Variants in RIMS1 observed in about 807,000 individuals in gnomAD.
RIMS1 encodes the protein regulating synaptic membrane exocytosis 1.
In RIMS1, 83 loss-of-function variants were observed where a neutral mutation model predicts 214.1. The ratio of observed to expected loss-of-function variants is 0.39; its 90% CI spans 0.32 to 0.47. The LOEUF is 0.47. RIMS1 is among the 20% of genes least tolerant of loss of function. RIMS1 has a pLI of 0.99. For synonymous variants in RIMS1, 793 were observed against 786.8 expected (o/e 1.01, Z -0.13); for missense variants, 2,050 against 2,161.8 (o/e 0.95, Z 1.03).
At chr6:72,275,164 A>ATGC (rs2085674994) in intron 23 of RIMS1, among the ~76,000 whole-genome samples, 1 of 24,286 alleles carries the variant, frequency 4.1e-5, no homozygotes, top group African/African-American at 1.2e-4. Flanking sequence ...ATATATATAT[A>ATGC]TATATATATA....
intron 29 of RIMS1, among the ~76,000 whole-genome samples, chr6:72,355,792 C>T (rs2097610917): frequency 6.6e-6 from 1 of 152,054 alleles, no homozygotes; most frequent in African/African-American, 2.4e-5. Flanking sequence ...TAATTCGATA[C>T]CTGTCATTTA....
chr6:72,101,969 G>C (rs2033696286), intron 4 of RIMS1, among the ~76,000 whole-genome samples: 1 of 151,900 alleles, frequency 6.6e-6, no homozygotes, highest in South Asian at 2.1e-4. Context: ...GTTGTCAAGT[G>C]CACACTCTCA....
At chr6:72,144,642 G>A (rs1024846748) in intron 4 of RIMS1, among the ~76,000 whole-genome samples, 1 of 151,806 alleles carries the variant, frequency 6.6e-6, no homozygotes, top group Non-Finnish European at 1.5e-5. Context: ...GAAGCCTTCA[G>A]GTTAAAGACA....
intron 22 of RIMS1, among the ~76,000 whole-genome samples, chr6:72,269,947 C>A (rs774926736): frequency 7.2e-5 from 11 of 152,128 alleles, no homozygotes; most frequent in Non-Finnish European, 1.3e-4. Context: ...TCAGTCCCGC[C>A]ACCAACACAC....
chr6:72,249,785 A>T (rs1361632631), intron 12 of RIMS1, among the ~76,000 whole-genome samples: 2 of 152,124 alleles, frequency 1.3e-5, no homozygotes, highest in Non-Finnish European at 2.9e-5. Flanking sequence ...ATAAAAAAAT[A>T]AGTGAGAAAA....
At chr6:72,224,258 A>G (rs868856967) in intron 6 of RIMS1, among the ~76,000 whole-genome samples, 14 of 152,178 alleles carry the variant, frequency 9.2e-5, no homozygotes, top group South Asian at 2.1e-4. Flanking sequence ...TGTTTTAGAA[A>G]ATATAAATTG....
intron 24 of RIMS1, among the ~76,000 whole-genome samples, chr6:72,284,653 GT>G (rs1306463805): frequency 1.3e-5 from 2 of 149,744 alleles, no homozygotes; most frequent in African/African-American, 4.9e-5. Context: ...TTCCACAAAG[GT>G]TTTAAGTATT....
chr6:72,084,499 A>T (rs1170858410), intron 2 of RIMS1, among the ~76,000 whole-genome samples: 1 of 152,144 alleles, frequency 6.6e-6, no homozygotes, highest in Non-Finnish European at 1.5e-5. Context: ...GAAAGCAGTA[A>T]TATTGTTCCA....
intron 29 of RIMS1, among the ~76,000 whole-genome samples, chr6:72,355,107 AGT>A (rs981255361): frequency 2.0e-5 from 3 of 152,184 alleles, no homozygotes; most frequent in Non-Finnish European, 4.4e-5. Flanking sequence ...ACTTAACTAA[AGT>A]TTTATTTTCT....
At chr6:72,361,902 T>C (rs183216414) in intron 29 of RIMS1, among the ~76,000 whole-genome samples, 8 of 152,356 alleles carry the variant, frequency 5.3e-5, no homozygotes, top group African/African-American at 1.7e-4. Context: ...CCCATTGCCA[T>C]GTAACATAGC....
At chr6:72,324,055 G>C (rs2096313436) in intron 28 of RIMS1, among the ~76,000 whole-genome samples, 1 of 151,730 alleles carries the variant, frequency 6.6e-6, no homozygotes, top group African/African-American at 2.4e-5. Context: ...TAGATAGATA[G>C]ATAGATAGAT....
In RIMS1 at chr6:72,237,934, T is replaced by G. The variant is rs757625276; in HGVS notation, c.1957+12T>G. The G allele has an allele frequency of 6.4e-7, 1 of 1,570,654 alleles. No homozygotes were observed. The highest frequency in any genetic ancestry group is 1.2e-5 in the South Asian group (1 of 86,820). On this transcript the variant is annotated intron_variant, in intron 9 of 33. Transcript: ENST00000521978. ...ACACCTAAGAGCAGGTAAAGTTTCT[T>G]TTTTTAATATTTAAACAGTGTGTTC...
chr6:72,319,247 A>T (rs567430374), intron 28 of RIMS1, among the ~76,000 whole-genome samples: 7 of 152,080 alleles, frequency 4.6e-5, no homozygotes, highest in African/African-American at 1.7e-4. Flanking sequence ...ATAGAAGGAG[A>T]TGGTGAAGGG....
At chr6:71,989,427 A>G (rs1008361217) in intron 2 of RIMS1, among the ~76,000 whole-genome samples, 13 of 152,274 alleles carry the variant, frequency 8.5e-5, no homozygotes, top group African/African-American at 3.1e-4. Flanking sequence ...ACTTAATTTC[A>G]TGGGTGAAGC....
At chr6:72,067,486 G>T (rs1235174902) in intron 2 of RIMS1, among the ~76,000 whole-genome samples, 2 of 152,108 alleles carry the variant, frequency 1.3e-5, no homozygotes, top group African/African-American at 4.8e-5. Flanking sequence ...TCATAGAGGG[G>T]CTGGTCAGGA....
intron 23 of RIMS1, among the ~76,000 whole-genome samples, chr6:72,277,594 AG>A (rs1171932774): frequency 5.9e-5 from 9 of 151,796 alleles, no homozygotes; most frequent in Middle Eastern, 3.4e-3. Context: ...AAAAAAAAAA[AG>A]AATATTTTCT....
intron 6 of RIMS1, among the ~76,000 whole-genome samples, chr6:72,204,406 G>A (rs1263686678): frequency 1.3e-5 from 2 of 152,152 alleles, no homozygotes; most frequent in Non-Finnish European, 2.9e-5. Flanking sequence ...TCTTCACAGT[G>A]TCTTGTGTCT....
At chr6:72,343,492 C>CTTTTTTTTTTT (rs764125827) in intron 29 of RIMS1, among the ~76,000 whole-genome samples, 64 of 57,304 alleles carry the variant, frequency 1.1e-3, no homozygotes, top group East Asian at 1.4e-3. Context: ...TCTTCTTCTT[C>CTTTTTTTTTTT]TTTTTTTTTT....
At chr6:72,119,685 G>C (rs1329593987) in intron 4 of RIMS1, among the ~76,000 whole-genome samples, 2 of 151,534 alleles carry the variant, frequency 1.3e-5, no homozygotes, top group African/African-American at 4.8e-5. Flanking sequence ...TTAAGTTCTA[G>C]GGTACATGTG....
Sources: allele counts gnomAD v4.1 joint callset (sites outside exome capture counted in the v4.1 genomes callset), GRCh38; gene constraint gnomAD v4.1.1; transcripts MANE v1.5; gene names NCBI Gene and HGNC (gene_info 2026-07-23, HGNC 2026-07-21).